The following LGSN variants were observed in gnomAD, a reference collection of about 807,000 sequenced individuals.
LGSN encodes lengsin, lens protein with glutamine synthetase domain, also known as lengsin.
In LGSN, 21 loss-of-function variants were observed where a neutral mutation model predicts 19.5. The observed-to-expected ratio is 1.07, with a 90% CI of 0.76 to 1.55. The LOEUF (loss-of-function observed/expected upper bound fraction) is 1.55. LGSN is among the 40% of genes most tolerant of loss of function. The probability of loss-of-function intolerance (pLI) is 0.00; values close to 1 mark genes in which losing one functional copy is unlikely to be tolerated. For missense variants in LGSN, 673 were observed against 608.5 expected (o/e 1.11, Z -1.12); for synonymous variants, 257 against 215.6 (o/e 1.19, Z -1.68).
At chr6:63,329,478 G>T in the LGSN span, among the ~76,000 whole-genome samples, 1 of 152,234 alleles carries the variant, frequency 6.6e-6, no homozygotes, top group African/African-American at 2.4e-5. Context: ...TGTACTCCCA[G>T]AATTGGGGTG....
the LGSN span, among the ~76,000 whole-genome samples, chr6:63,354,054 C>T: frequency 1.3e-5 from 2 of 151,892 alleles, no homozygotes; most frequent in Non-Finnish European, 2.9e-5. Context: ...GGGAAAAAAC[C>T]TAGAGAAAAC....
At chr6:63,514,703 A>T in the LGSN span, among the ~76,000 whole-genome samples, 1 of 152,104 alleles carries the variant, frequency 6.6e-6, no homozygotes. Flanking sequence ...TCTGTTGAAC[A>T]AGTGCTTTTT....
upstream of LGSN, among the ~76,000 whole-genome samples, chr6:63,323,559 T>TACACAC (rs58400159): frequency 0.021 from 2,760 of 132,784 alleles, 44 homozygotes; most frequent in East Asian, 0.037. Context: ...AAACCTCATA[T>TACACAC]ACACACACAC....
At chr6:63,293,973 T>C (rs1767874056) in intron 2 of LGSN, 2 of 350,364 alleles carry the variant, frequency 5.7e-6, no homozygotes, top group South Asian at 4.3e-5. Flanking sequence ...ACATATTAAA[T>C]GAGGGGCAAT....
the LGSN span, among the ~76,000 whole-genome samples, chr6:63,461,706 A>G: frequency 6.6e-6 from 1 of 152,210 alleles, no homozygotes; most frequent in Non-Finnish European, 1.5e-5. Flanking sequence ...GACAGATCCC[A>G]AATCAATCTG....
the LGSN span, among the ~76,000 whole-genome samples, chr6:63,539,398 C>T: frequency 1.3e-5 from 2 of 152,122 alleles, no homozygotes; most frequent in African/African-American, 4.8e-5. Context: ...CCAACCTCAA[C>T]CATAGGGGTA....
the LGSN span, among the ~76,000 whole-genome samples, chr6:63,409,846 G>C: frequency 6.6e-6 from 1 of 152,070 alleles, no homozygotes; most frequent in Non-Finnish European, 1.5e-5. Flanking sequence ...GACCAGCCTG[G>C]CCAACATGGC....
the LGSN span, among the ~76,000 whole-genome samples, chr6:63,445,544 G>C: frequency 6.6e-6 from 1 of 152,256 alleles, no homozygotes; most frequent in South Asian, 2.1e-4. Context: ...CTTGAACCTG[G>C]AAGGTGGAGG....
chr6:63,314,593 C>T (rs1302778188), intron 1 of LGSN, among the ~76,000 whole-genome samples: 6 of 152,200 alleles, frequency 3.9e-5, no homozygotes, highest in Non-Finnish European at 7.4e-5. Context: ...GGAAGATTTT[C>T]ACCCAATAAA....
the LGSN span, among the ~76,000 whole-genome samples, chr6:63,373,858 C>T: frequency 6.6e-6 from 1 of 151,792 alleles, no homozygotes; most frequent in African/African-American, 2.4e-5. Context: ...TGGCTTGAAC[C>T]CAGGAGCTGG....
chr6:63,450,145 T>C, the LGSN span, among the ~76,000 whole-genome samples: 14 of 138,474 alleles, frequency 1.0e-4, no homozygotes, highest in African/African-American at 3.5e-4. Flanking sequence ...TCAGGAGTTC[T>C]AGACCAGCCT....
At chr6:63,550,003 C>A in the LGSN span, among the ~76,000 whole-genome samples, 1 of 152,098 alleles carries the variant, frequency 6.6e-6, no homozygotes, top group Admixed American at 6.6e-5. Context: ...AGATGAGGAA[C>A]ACACTAATTA....
the LGSN span, among the ~76,000 whole-genome samples, chr6:63,566,938 T>C: frequency 6.6e-6 from 1 of 152,216 alleles, no homozygotes; most frequent in Non-Finnish European, 1.5e-5. Context: ...TCACCAGCAG[T>C]AGATTCTATC....
chr6:63,398,829 AT>A, the LGSN span, among the ~76,000 whole-genome samples: 4 of 151,830 alleles, frequency 2.6e-5, no homozygotes, highest in African/African-American at 9.7e-5. Context: ...AAATATATAT[AT>A]TTTTTCTTTT....
chr6:63,412,407 GAAAGAAAGAA>G, the LGSN span, among the ~76,000 whole-genome samples: 1 of 116,418 alleles, frequency 8.6e-6, no homozygotes, highest in African/African-American at 4.0e-5. Flanking sequence ...AGGAAAGAAA[GAAAGAAAGAA>G]GAAAGAAAGA....
At chr6:63,347,907 G>A in the LGSN span, among the ~76,000 whole-genome samples, 1 of 152,088 alleles carries the variant, frequency 6.6e-6, no homozygotes, top group Non-Finnish European at 1.5e-5. Flanking sequence ...ATGACTTGTA[G>A]GGAAATATTC....
chr6:63,398,829 A>T, the LGSN span, among the ~76,000 whole-genome samples: 8 of 151,830 alleles, frequency 5.3e-5, no homozygotes, highest in Admixed American at 3.3e-4. Flanking sequence ...AAATATATAT[A>T]TTTTTTCTTT....
the LGSN span, among the ~76,000 whole-genome samples, chr6:63,439,704 C>T: frequency 6.6e-6 from 1 of 152,144 alleles, no homozygotes; most frequent in African/African-American, 2.4e-5. Flanking sequence ...CTTTCCCAGA[C>T]TAAATATGCA....
intron 1 of LGSN, among the ~76,000 whole-genome samples, chr6:63,305,614 A>G (rs188880894): frequency 6.6e-6 from 1 of 152,314 alleles, no homozygotes; most frequent in Admixed American, 6.5e-5. Context: ...TGTCTTCTGT[A>G]CATCACTTTT....
Sources: gnomAD v4.1 joint callset for allele counts (sites outside exome capture counted in the v4.1 genomes callset) on GRCh38, gnomAD v4.1.1 for gene constraint, MANE v1.5 for transcripts, NCBI Gene and HGNC (gene_info 2026-07-23, HGNC 2026-07-21) for gene names.